SSC5D: variants seen among roughly 807,000 people sequenced by gnomAD.
SSC5D encodes the protein soluble scavenger receptor cysteine-rich domain-containing protein SSC5D.
Under a neutral mutation model 104.6 loss-of-function variants are expected in SSC5D, and 106 were observed. The ratio of observed to expected loss-of-function variants is 1.01; its 90% CI spans 0.87 to 1.19. The LOEUF is 1.19. SSC5D is among the 50% of genes most tolerant of loss of function. The pLI is 0.00. For synonymous variants in SSC5D, 860 were observed against 883.5 expected (o/e 0.97, Z 0.47); for missense variants, 1,993 against 2,153.8 (o/e 0.93, Z 1.48).
At chr19:55,497,059 C>T (rs74738780) in intron 8 of SSC5D, among the ~76,000 whole-genome samples, 138 of 152,350 alleles carry the variant, frequency 9.1e-4, no homozygotes, top group African/African-American at 3.2e-3. Flanking sequence ...CCGTGCCGGG[C>T]CTGCTGCTCC....
intron 12 of SSC5D, chr19:55,504,272 C>T (rs972438308): frequency 1.3e-5 from 19 of 1,501,296 alleles, no homozygotes; most frequent in Non-Finnish European, 1.5e-5. Context: ...GGACCCCTCC[C>T]GTAGGGTAGG....
In SSC5D at chr19:55,501,107, T is replaced by C. The variant is rs763010999; in HGVS notation, c.2691T>C (p.Thr897=). Residue 897 remains threonine, a synonymous_variant, in exon 12 of 14, where the codon ACT becomes ACC. Coordinates refer to ENST00000389623, the MANE Select transcript of SSC5D (RefSeq NM_001144950.2). ...CAAGAGAGGACCTGGCCAAGGGGAC[T>C]ACCACAGCGGGGGTACCTGGACACA... The part of the protein sequence containing the change: ...PTSREDLAKG[T]TTAGVPGHTL... The C allele has an allele frequency of 7.1e-6, 11 of 1,551,648 alleles. No homozygotes were observed. The highest frequency in any genetic ancestry group is 4.4e-6 in the Non-Finnish European group (5 of 1,146,944).
In SSC5D at chr19:55,490,980, G is replaced by T; in HGVS notation, c.795G>T (p.Val265=). ...PGAGPVWMDD[V]GCGGGEQALR... ...CAGGGCCCGTGTGGATGGACGATGT[G>T]GGGTGTGGAGGAGGAGAACAGGCCC... The change falls in exon 6 of 14, where the codon GTG becomes GTT. Residue 265 remains valine, a synonymous_variant. Transcript: ENST00000389623. 1 of 1,548,594 alleles carries T rather than the reference G, an allele frequency of 6.5e-7. No individual in the cohort carries two copies. Among genetic ancestry groups the T allele is most frequent in the Non-Finnish European group, 8.7e-7 (1 of 1,146,054 alleles).
intron 7 of SSC5D, among the ~76,000 whole-genome samples, 189 bp from the exon 8 acceptor site, chr19:55,494,421 C>T (rs774069048): frequency 9.2e-5 from 14 of 152,300 alleles, no homozygotes; most frequent in Middle Eastern, 6.8e-3. Context: ...TCCCGTGCTC[C>T]GCATTCACAC....
rs1247008054 is a variant in SSC5D at position 55,500,831 on chromosome 19, G to A, written c.2617+27G>A. 2.6e-6 allele frequency: 4 copies of A among 1,534,556 alleles called. No individual in the cohort carries two copies. In the South Asian group the frequency reaches 4.9e-5, roughly 19 times the overall value. ...TACCAGGGCATGGCGGCGGTGGTGG[G>A]GTTGTCGGGGGTGGCCAGGAGAATG... On this transcript the variant is annotated intron_variant, in intron 11 of 13. Transcript: ENST00000389623. This position sits in a 1 kb window ranked among gnomAD's most constrained non-coding sequence, Gnocchi z 4.6.
In SSC5D at chr19:55,490,363, A is replaced by G; in HGVS notation, c.541A>G (p.Lys181Glu). The G allele has an allele frequency of 6.6e-7, 1 of 1,523,272 alleles. No individual in the cohort carries two copies. The highest frequency in any genetic ancestry group is 8.9e-7 in the Non-Finnish European group (1 of 1,127,708). The allele number at this position is 1,523,272 out of a possible 1,614,324, so 94.4% of individuals were successfully genotyped here. ...RKKSPRPKQA[K>E]STRAPLLTTG... is the part of the protein sequence containing the mutation. ...GAAGAGCCCCCGGCCCAAGCAGGCC[A>G]AGTCCACCCGGGCCCCTCTGCTGAC... Residue 181 changes from lysine to glutamate, a missense_variant, in exon 5 of 14, where the codon AAG (lysine) becomes GAG (glutamate). Physicochemically the swap from Lys to Glu is moderately conservative, Grantham distance 56. This residue lies in a region of SSC5D where 1,101 missense variants were observed against 1,085.0 expected (regional missense o/e 1.01). Coordinates refer to ENST00000389623, the MANE Select transcript of SSC5D (RefSeq NM_001144950.2).
chr19:55,518,449 C>A lies in SSC5D; in HGVS notation c.4173C>A (p.Ser1391=). The change falls in exon 14 of 14, where the codon TCC becomes TCA. Residue 1391 remains serine, a synonymous_variant. Coordinates refer to ENST00000389623, the MANE Select transcript of SSC5D (RefSeq NM_001144950.2). ...PTLEPSPALE[S]SPSRSSTATS... ...TAGAGCCCTCTCCAGCCTTGGAGTCCAGCCCCTCCAGGTCCTCCACAGCCA... is the reference window on the plus strand; with the variant it reads ...TAGAGCCCTCTCCAGCCTTGGAGTCAAGCCCCTCCAGGTCCTCCACAGCCA... 6.4e-7 allele frequency: 1 copy of A among 1,551,328 alleles called. No homozygotes were observed. The highest frequency in any genetic ancestry group is 8.7e-7 in the Non-Finnish European group (1 of 1,146,922).
Position 55,517,231 on chromosome 19 carries a change from G to A in SSC5D, c.2955G>A (p.Pro985=), listed in dbSNP as rs1182968498. 8 of 1,538,052 alleles carry A rather than the reference G, an allele frequency of 5.2e-6. No individual in the cohort carries two copies. The highest frequency in any genetic ancestry group is 1.8e-4 in the Middle Eastern group (1 of 5,476). ...TCTTTCCTCCTCCTCCAGGTTCCCCGAGGAAACCGTGGCCCGAGCGCCGGC... is the reference window on the plus strand; with the variant it reads ...TCTTTCCTCCTCCTCCAGGTTCCCCAAGGAAACCGTGGCCCGAGCGCCGGC... ...TLRVHGDTGS[P]RKPWPERRPP... is the part of the protein sequence containing the mutation. Residue 985 remains proline (P), a synonymous_variant, in exon 14 of 14, where the codon CCG becomes CCA. Coordinates refer to ENST00000389623, the MANE Select transcript of SSC5D (RefSeq NM_001144950.2).
chr19:55,507,267 C>G (rs2123451752), intron 12 of SSC5D, among the ~76,000 whole-genome samples: 1 of 149,676 alleles, frequency 6.7e-6, no homozygotes, highest in South Asian at 2.1e-4. Flanking sequence ...TCACTTGGGC[C>G]CTGGAGGTTG....
intron 12 of SSC5D, among the ~76,000 whole-genome samples, chr19:55,506,373 ATTTTTTTTTTTTTT>A (rs869296361): frequency 1.1e-4 from 8 of 72,064 alleles, no homozygotes; most frequent in Admixed American, 6.1e-4. Flanking sequence ...TGGAATTTGG[ATTTTTTTTTTTTTT>A]TTTTTTTTTT....
chr19:55,501,235 C>T, intron 12 of SSC5D, 34 bp downstream of exon 12: 3 of 1,471,284 alleles, frequency 2.0e-6, no homozygotes, highest in Non-Finnish European at 1.8e-6. Context: ...CATGGAGGGC[C>T]TCCATAAACC....
rs36109915 is a variant in SSC5D, at chr19:55,495,901, A to ATTT, written c.1387+1138_1387+1140dup. On this transcript the variant is annotated intron_variant, in intron 8 of 13. Coordinates refer to ENST00000389623, the MANE Select transcript of SSC5D (RefSeq NM_001144950.2). ...CAGCTGCATGCCACCGAGCCTGGCT[A>ATTT]TTTTTTTTTTTTTTTTTTTTTTGTA... is the stretch of plus-strand genomic sequence containing the variant. 4.6e-3 allele frequency among the ~76,000 whole-genome samples: 453 copies of ATTT among 98,574 alleles called. 2 individuals are homozygous for ATTT. The highest frequency in any genetic ancestry group is 0.011 in the Middle Eastern group (2 of 182). The allele number at this position is 98,574 out of a possible 152,430, so 64.7% of individuals were successfully genotyped here.
At chr19:55,516,881 C>T (rs1987882554) in intron 13 of SSC5D, among the ~76,000 whole-genome samples, 1 of 152,114 alleles carries the variant, frequency 6.6e-6, no homozygotes, top group African/African-American at 2.4e-5. Flanking sequence ...GTATGCTGCA[C>T]GCTTCTGAGC....
At chr19:55,504,376 C>T in intron 12 of SSC5D, 2 of 1,350,076 alleles carry the variant, frequency 1.5e-6, no homozygotes, top group African/African-American at 1.5e-5. Flanking sequence ...AATAGGAAGA[C>T]TTGGAGGCGT....
In SSC5D at chr19:55,490,831, G is replaced by C; in HGVS notation, c.646G>C (p.Gly216Arg). 6.5e-7 allele frequency: 1 copy of C among 1,547,204 alleles called. No homozygotes were observed. Among genetic ancestry groups the C allele is most frequent in the African/African-American group, 1.4e-5 (1 of 73,072 alleles). Residue 216 changes from glycine to arginine, a missense_variant, in exon 6 of 14, where the codon GGC becomes CGC. Transcript: ENST00000389623. ...RCAGRLEVWH[G>R]GRWGTVCDDG... is the part of the protein sequence containing the mutation. ...CGCCGGACGCCTGGAGGTCTGGCAC[G>C]GCGGGCGCTGGGGCACCGTATGTGA...
At chr19:55,504,217 C>T in intron 12 of SSC5D, 1 of 1,532,804 alleles carries the variant, frequency 6.5e-7, no homozygotes, top group Admixed American at 2.0e-5. Flanking sequence ...TGGAGGCGGG[C>T]ACGTGCCGGG....
Position 55,493,840 on chromosome 19 carries a change from C to T in SSC5D, c.1141C>T (p.Arg381Ter), listed in dbSNP as rs772640926. ...LRCRGNETAL[R>*]FCPARPWGQH... ...GTGTCGGGGAAACGAGACGGCCTTA[C>T]GATTCTGCCCAGCTCGGCCCTGGGG... The change falls in exon 7 of 14, where the codon CGA becomes TGA. Residue 381 changes from arginine to a stop codon, truncating the protein, a stop_gained. Transcript: ENST00000389623. LOFTEE classifies it high-confidence loss of function. 5.2e-6 allele frequency: 8 copies of T among 1,549,422 alleles called. No homozygotes were observed. Among genetic ancestry groups the T allele is most frequent in the South Asian group, 2.4e-5 (2 of 84,062 alleles).
At chr19:55,497,791 A>T (rs1299505277) in intron 8 of SSC5D, 89 bp from the exon 9 acceptor site, 4 of 1,274,514 alleles carry the variant, frequency 3.1e-6, no homozygotes, top group Non-Finnish European at 4.2e-6. Context: ...ATGAGTGGAA[A>T]GGAAGATGGG....
At chr19:55,504,983 T>C (rs1253655138) in intron 12 of SSC5D, among the ~76,000 whole-genome samples, 4 of 151,938 alleles carry the variant, frequency 2.6e-5, no homozygotes, top group Admixed American at 1.3e-4. Flanking sequence ...GCCACGATTA[T>C]AACCTGTTTT....
Sources: allele counts gnomAD v4.1 joint callset (sites outside exome capture counted in the v4.1 genomes callset), GRCh38; gene constraint gnomAD v4.1.1; regional missense constraint gnomAD v4.1.1; non-coding constraint Gnocchi (gnomAD v3.1); transcripts MANE v1.5; gene names NCBI Gene and HGNC (gene_info 2026-07-23, HGNC 2026-07-21).